RGS6: variants seen among roughly 807,000 people sequenced by gnomAD.
The protein encoded by RGS6 is regulator of G protein signaling 6.
In RGS6, 30 loss-of-function variants were observed where a neutral mutation model predicts 78.5. The observed-to-expected ratio is 0.38, with a 90% confidence interval of 0.29 to 0.52. The LOEUF is 0.52. RGS6 is among the 20% of genes least tolerant of loss of function. The pLI, the probability that RGS6 is intolerant of heterozygous loss-of-function variation, is 0.85. For missense variants in RGS6, 495 were observed against 609.7 expected (o/e 0.81, Z 1.98); for synonymous variants, 206 against 206.0 (o/e 1.00, Z 0.00).
Position 72,331,845 on chromosome 14 carries a change from G to A in RGS6, c.85-20250G>A, listed in dbSNP as rs141656274. Among the ~76,000 whole-genome samples the A allele has an allele frequency of 1.8e-4, 28 of 152,280 alleles. No individual in the cohort carries two copies. The East Asian group carries it at 4.4e-3, about 24-fold the overall frequency. On this transcript the variant is annotated intron_variant, in intron 2 of 17. Transcript: ENST00000553525. ...GTTTTTCTCCGTGGACTATCCAGATGCATGCTTCTTTTACAGTTCATGTCT... is the reference window on the plus strand; with the variant it reads ...GTTTTTCTCCGTGGACTATCCAGATACATGCTTCTTTTACAGTTCATGTCT...
chr14:72,437,183 A>T (rs1208999203), intron 3 of RGS6, among the ~76,000 whole-genome samples: 1 of 149,626 alleles, frequency 6.7e-6, no homozygotes, highest in African/African-American at 2.4e-5. Context: ...AAAAAAAAAA[A>T]AAAAAAAATT....
At chr14:72,437,850 C>T (rs1163029753) in intron 3 of RGS6, among the ~76,000 whole-genome samples, 1 of 152,166 alleles carries the variant, frequency 6.6e-6, no homozygotes, top group Non-Finnish European at 1.5e-5. Flanking sequence ...AGCAGCGTCC[C>T]CTGCTCCTAA....
intron 2 of RGS6, among the ~76,000 whole-genome samples, chr14:72,197,602 A>G (rs2040491175): frequency 6.6e-6 from 1 of 152,240 alleles, no homozygotes; most frequent in African/African-American, 2.4e-5. Flanking sequence ...AGTATTTTTA[A>G]AAATTAAAAT....
At chr14:72,007,677 T>C (rs2084844282) in intron 2 of RGS6, among the ~76,000 whole-genome samples, 1 of 152,172 alleles carries the variant, frequency 6.6e-6, no homozygotes, top group Non-Finnish European at 1.5e-5. Flanking sequence ...TAGACACCCT[T>C]GGACGAAGGG....
At chr14:72,387,069 CTTT>C (rs1394197544) in intron 3 of RGS6, among the ~76,000 whole-genome samples, 1 of 151,946 alleles carries the variant, frequency 6.6e-6, no homozygotes, top group Non-Finnish European at 1.5e-5. Flanking sequence ...TATGCAATAC[CTTT>C]ATGCTTATGT....
rs568717668 is a variant in RGS6 at position 72,348,894 on chromosome 14, T to C, written c.85-3201T>C. Among the ~76,000 whole-genome samples, 107 of 152,290 alleles carry C rather than the reference T, an allele frequency of 7.0e-4. 1 individual carries two copies. The highest frequency in any genetic ancestry group is 1.2e-3 in the Non-Finnish European group (81 of 68,028). On this transcript the variant is annotated intron_variant, in intron 2 of 17. Coordinates refer to ENST00000553525, the MANE Select transcript of RGS6 (RefSeq NM_001204424.2). ...AAAAATAAACATTTATGGCCGGGCG[T>C]GGTGGCTCACGCCTGTAATCCCAGC...
chr14:71,881,024 G>A, the RGS6 span, among the ~76,000 whole-genome samples: 1 of 152,238 alleles, frequency 6.6e-6, no homozygotes, highest in African/African-American at 2.4e-5. Context: ...TCTTACATCA[G>A]TGTGACCTGT....
At chr14:72,180,330 A>G (rs548884382) in intron 2 of RGS6, among the ~76,000 whole-genome samples, 2 of 152,364 alleles carry the variant, frequency 1.3e-5, no homozygotes, top group South Asian at 4.1e-4. Flanking sequence ...TCCAGATAGC[A>G]GCTGTTGTTG....
chr14:72,396,764 T>G (rs59969246), intron 3 of RGS6, among the ~76,000 whole-genome samples: 62 of 152,212 alleles, frequency 4.1e-4, no homozygotes, highest in South Asian at 8.3e-4. Flanking sequence ...TCTACATATG[T>G]CTAGCCAGTT....
intron 2 of RGS6, among the ~76,000 whole-genome samples, chr14:71,973,365 T>TC (rs928592289): frequency 5.4e-5 from 8 of 148,410 alleles, no homozygotes; most frequent in African/African-American, 1.5e-4. Flanking sequence ...TTGTTTTTTT[T>TC]CACTCTTTTT....
chr14:72,098,631 C>A (rs139184032), intron 2 of RGS6, among the ~76,000 whole-genome samples: 1 of 152,170 alleles, frequency 6.6e-6, no homozygotes, highest in Non-Finnish European at 1.5e-5. Context: ...GGAGACTGTA[C>A]ATAAAAATAC....
chr14:71,975,439 C>A (rs1421968530), intron 2 of RGS6, among the ~76,000 whole-genome samples: 5 of 149,690 alleles, frequency 3.3e-5, no homozygotes, highest in Non-Finnish European at 3.0e-5. Flanking sequence ...TATGAGACTT[C>A]TTTTTATTTG....
At chr14:72,478,826 C>A (rs2096301133) in intron 12 of RGS6, among the ~76,000 whole-genome samples, 1 of 152,170 alleles carries the variant, frequency 6.6e-6, no homozygotes, top group African/African-American at 2.4e-5. Flanking sequence ...AATATTTGGC[C>A]CCTCCAGCCT....
At chr14:72,008,817 A>G (rs141667048) in intron 2 of RGS6, among the ~76,000 whole-genome samples, 4 of 152,286 alleles carry the variant, frequency 2.6e-5, no homozygotes, top group East Asian at 1.9e-4. Context: ...ATGAGATACT[A>G]TGTAGAAAAA....
At chr14:72,431,202 AG>A (rs2094617450) in intron 3 of RGS6, among the ~76,000 whole-genome samples, 3 of 152,200 alleles carry the variant, frequency 2.0e-5, no homozygotes, top group Non-Finnish European at 2.9e-5. Context: ...TGCTCTGTGT[AG>A]CAGCAGAACT....
At chr14:72,052,985 C>CTTTCTTTCTTTCTTTCTT (rs745409035) in intron 2 of RGS6, among the ~76,000 whole-genome samples, 158 of 53,324 alleles carry the variant, frequency 3.0e-3, no homozygotes, top group East Asian at 4.9e-3. Flanking sequence ...TTCTTTCTTT[C>CTTTCTTTCTTTCTTTCTT]TCTCTCTCTC....
intron 12 of RGS6, among the ~76,000 whole-genome samples, chr14:72,491,158 T>C (rs2096572668): frequency 6.6e-6 from 1 of 152,216 alleles, no homozygotes; most frequent in Admixed American, 6.5e-5. Flanking sequence ...GAGAAGATGC[T>C]GACACACAAG....
At chr14:72,035,213 T>G (rs1443457931) in intron 2 of RGS6, among the ~76,000 whole-genome samples, 1 of 152,226 alleles carries the variant, frequency 6.6e-6, no homozygotes, top group Non-Finnish European at 1.5e-5. Flanking sequence ...TATTACTTTA[T>G]GATTCAGTCT....
intron 2 of RGS6, among the ~76,000 whole-genome samples, chr14:72,293,774 C>T (rs1002279490): frequency 2.6e-5 from 4 of 152,142 alleles, no homozygotes; most frequent in Admixed American, 2.0e-4. Flanking sequence ...TAAGCCAAGG[C>T]CAGTTAATAA....
Sources: gnomAD v4.1 joint callset for allele counts (sites outside exome capture counted in the v4.1 genomes callset) on GRCh38, gnomAD v4.1.1 for gene constraint, MANE v1.5 for transcripts, NCBI Gene and HGNC (gene_info 2026-07-23, HGNC 2026-07-21) for gene names.